Variants in PTPRO observed in about 807,000 individuals in gnomAD.
The protein encoded by PTPRO is receptor-type tyrosine-protein phosphatase O.
A neutral mutation model predicts 145.2 loss-of-function variants in PTPRO; 62 were observed. The ratio of observed to expected loss-of-function variants is 0.43; its 90% CI spans 0.35 to 0.53. The LOEUF is 0.53. Among genes scored for constraint, PTPRO ranks in the 20% least tolerant of loss-of-function variants. The pLI is 0.01. For synonymous variants in PTPRO, 565 were observed against 514.7 expected (o/e 1.10, Z -1.32); for missense variants, 1,345 against 1,482.7 (o/e 0.91, Z 1.53).
Position 15,443,342 on chromosome 12 carries a change from A to T in PTPRO, c.76-40632A>T, listed in dbSNP as rs56350263. On this transcript the variant is annotated intron_variant, in intron 1 of 26. Coordinates refer to ENST00000281171, the MANE Select transcript of PTPRO (RefSeq NM_030667.3). The stretch of plus-strand genomic sequence containing the variant: ...ATACTACAATTAACTGTATACAAAA[A>T]TTAACTGAAAATTGATTAAAAATTT... 7.3e-3 allele frequency among the ~76,000 whole-genome samples: 1,115 copies of T among 152,310 alleles called. 9 individuals carry two copies. The highest frequency in any genetic ancestry group is 0.012 in the Admixed American group (181 of 15,292).
chr12:15,509,101 A>T (rs1942382496), intron 7 of PTPRO, among the ~76,000 whole-genome samples: 1 of 152,254 alleles, frequency 6.6e-6, no homozygotes, highest in African/African-American at 2.4e-5. Flanking sequence ...TAATGAGAAC[A>T]ATAGATAAGT....
At chr12:15,348,499 C>T (rs1178908740) in intron 1 of PTPRO, 1 of 152,228 alleles carries the variant, frequency 6.6e-6, no homozygotes, top group Non-Finnish European at 1.5e-5. Context: ...TGGCTGACGC[C>T]TGTAATCCCA....
intron 2 of PTPRO, among the ~76,000 whole-genome samples, chr12:15,496,638 A>C (rs1018638352): frequency 1.4e-4 from 22 of 152,188 alleles, no homozygotes; most frequent in Non-Finnish European, 2.1e-4. Flanking sequence ...GCAAAATAGA[A>C]ATGTTTTCTT....
At chr12:15,471,265 A>G (rs1220665132) in intron 1 of PTPRO, among the ~76,000 whole-genome samples, 1 of 152,070 alleles carries the variant, frequency 6.6e-6, no homozygotes, top group African/African-American at 2.4e-5. Context: ...CTGTGGTCCC[A>G]GATACTTGGG....
rs201170232 is a variant in PTPRO at position 15,586,719 on chromosome 12, G to GT, written c.3256-168dup. On this transcript the variant is annotated intron_variant, in intron 23 of 26. Coordinates refer to ENST00000281171, the MANE Select transcript of PTPRO (RefSeq NM_030667.3). ...TTTGAAGCTTTATACAATTAGCGTG[G>GT]TTTTTTTTTTCAATACCTATTTTAT... Among the ~76,000 whole-genome samples, 960 of 149,380 alleles carry GT rather than the reference G, an allele frequency of 6.4e-3. 11 individuals carry two copies. The highest frequency in any genetic ancestry group is 0.021 in the African/African-American group (872 of 40,696).
At chr12:15,578,214 A>G (rs1344506806) in intron 19 of PTPRO, among the ~76,000 whole-genome samples, 1 of 152,174 alleles carries the variant, frequency 6.6e-6, no homozygotes, top group Non-Finnish European at 1.5e-5. Context: ...CTCATTGCCT[A>G]CAAGAAAAAA....
chr12:15,586,900 G>A lies in PTPRO; in HGVS notation c.3259G>A (p.Asp1087Asn), dbSNP rs1944440919. 6.2e-7 allele frequency: 1 copy of A among 1,613,984 alleles called. No homozygotes were observed. Among genetic ancestry groups the A allele is most frequent in the Non-Finnish European group, 8.5e-7 (1 of 1,179,956 alleles). ...ACRHFRINYA[D>N]EMQDVMHFNY... ...TTTTTGGCTTTTTTCTCTAAAGGCT[G>A]ACGAGATGCAGGATGTGATGCATTT... The change falls in exon 24 of 27, where the codon GAC (aspartate) becomes AAC (asparagine). Residue 1087 changes from aspartate (D) to asparagine (N), a missense_variant. Asp to Asn is a conservative substitution (Grantham distance 23). Coordinates refer to ENST00000281171, the MANE Select transcript of PTPRO (RefSeq NM_030667.3).
chr12:15,486,627 C>T (rs1042442176), intron 2 of PTPRO, among the ~76,000 whole-genome samples: 2 of 151,966 alleles, frequency 1.3e-5, no homozygotes, highest in Non-Finnish European at 2.9e-5. Flanking sequence ...ATTTTAATAT[C>T]ATGGTTTACT....
intron 1 of PTPRO, among the ~76,000 whole-genome samples, chr12:15,402,371 A>G (rs1939520557): frequency 6.6e-6 from 1 of 151,920 alleles, no homozygotes. Context: ...CTGGAGACAG[A>G]GCAAGACTCC....
In PTPRO at chr12:15,569,411, G is replaced by T. The variant is rs1419354838; in HGVS notation, c.2748-6G>T. Reference sequence around the variant, plus strand: ...ATGTATGTATATTTCTTTGTGTTTGGCAAAGCCCGGTTCAACTGGATGACT... The same window carrying T: ...ATGTATGTATATTTCTTTGTGTTTGTCAAAGCCCGGTTCAACTGGATGACT... On this transcript the variant is annotated splice_region_variant and splice_polypyrimidine_tract_variant and intron_variant, in intron 18 of 26. Transcript: ENST00000281171. 3.1e-6 allele frequency: 5 copies of T among 1,609,736 alleles called. No individual in the cohort carries two copies. The highest frequency in any genetic ancestry group is 4.3e-6 in the Non-Finnish European group (5 of 1,176,220).
intron 1 of PTPRO, among the ~76,000 whole-genome samples, chr12:15,325,983 T>G (rs1056983454): frequency 6.6e-6 from 1 of 152,212 alleles, no homozygotes; most frequent in African/African-American, 2.4e-5. Context: ...AAAAGGGTCT[T>G]AATATTGTAC....
At chr12:15,492,835 G>A (rs1271138359) in intron 2 of PTPRO, among the ~76,000 whole-genome samples, 1 of 152,050 alleles carries the variant, frequency 6.6e-6, no homozygotes, top group African/African-American at 2.4e-5. Context: ...AGTGGGAGAG[G>A]CTCTAGCTAA....
intron 1 of PTPRO, among the ~76,000 whole-genome samples, chr12:15,407,768 G>A (rs936132687): frequency 5.3e-5 from 8 of 152,156 alleles, no homozygotes; most frequent in Admixed American, 3.9e-4. Flanking sequence ...AACTAGAAAG[G>A]AAAAGCATAC....
chr12:15,329,099 G>A (rs1216529164), intron 1 of PTPRO, among the ~76,000 whole-genome samples: 1 of 152,172 alleles, frequency 6.6e-6, no homozygotes, highest in African/African-American at 2.4e-5. Flanking sequence ...TATAACGGGT[G>A]AGGAAAGGCG....
intron 1 of PTPRO, among the ~76,000 whole-genome samples, chr12:15,399,441 C>T (rs979954607): frequency 4.6e-5 from 7 of 152,160 alleles, no homozygotes; most frequent in Non-Finnish European, 1.0e-4. Flanking sequence ...GGCAGTCCAG[C>T]TCTGAAGCCC....
intron 7 of PTPRO, among the ~76,000 whole-genome samples, chr12:15,515,208 A>G (rs1294368009): frequency 6.6e-6 from 1 of 152,198 alleles, no homozygotes; most frequent in East Asian, 1.9e-4. Flanking sequence ...TGATTTGATT[A>G]TGGTTAGAGG....
At chr12:15,474,947 G>T (rs909327028) in intron 1 of PTPRO, among the ~76,000 whole-genome samples, 1 of 152,128 alleles carries the variant, frequency 6.6e-6, no homozygotes, top group Non-Finnish European at 1.5e-5. Flanking sequence ...CTCATTAGTC[G>T]CACCAACTGA....
At chr12:15,532,111 A>C (rs1942974208) in intron 12 of PTPRO, among the ~76,000 whole-genome samples, 1 of 152,166 alleles carries the variant, frequency 6.6e-6, no homozygotes, top group South Asian at 2.1e-4. Flanking sequence ...TAGGTCACTG[A>C]GTCTTAAATT....
At chr12:15,411,541 A>G (rs889697996) in intron 1 of PTPRO, among the ~76,000 whole-genome samples, 2 of 152,216 alleles carry the variant, frequency 1.3e-5, no homozygotes, top group African/African-American at 2.4e-5. Flanking sequence ...TAAGATCTCA[A>G]CATAATCAAC....
Sources: allele counts gnomAD v4.1 joint callset (sites outside exome capture counted in the v4.1 genomes callset), GRCh38; gene constraint gnomAD v4.1.1; transcripts MANE v1.5; gene names NCBI Gene and HGNC (gene_info 2026-07-23, HGNC 2026-07-21).